Variants in NAP1L1 observed in about 807,000 individuals in gnomAD.
NAP1L1 encodes the protein nucleosome assembly protein 1-like 1.
Under a neutral mutation model 58.9 loss-of-function variants are expected in NAP1L1, and 9 were observed. The ratio of observed to expected loss-of-function variants is 0.15; its 90% confidence interval spans 0.09 to 0.27. The LOEUF (loss-of-function observed/expected upper bound fraction) is 0.27. Ranked by LOEUF, NAP1L1 falls within the 10% of genes least tolerant of loss-of-function variation. NAP1L1 has a pLI of 1.00. For synonymous variants in NAP1L1, 130 were observed against 138.3 expected, an observed-to-expected ratio of 0.94 and a Z score of 0.42; for missense variants, 302 against 458.8, an observed-to-expected ratio of 0.66 and a Z score of 3.12.
At position 76,039,775 on chromosome 12, in the gene NAP1L1, T is replaced by C. The variant is rs1250583745; in HGVS notation, c.*8654A>G. 6.6e-6 allele frequency: 1 copy of C among 152,250 alleles called. No individual in the cohort carries two copies. The highest frequency in any genetic ancestry group is 1.5e-5 in the Non-Finnish European group (1 of 68,038). 9.4% of individuals were successfully genotyped at this position (152,250 alleles called of 1,614,324 possible). A position where few individuals can be genotyped will look rare whatever the true frequency, so the allele number is the denominator to read the frequency against. ...TCCTTATGCATAAAAAGGGAATTAA[T>C]ATTCTCAATCAAGTATGATTAAGGC... On this transcript the variant is annotated 3_prime_UTR_variant, in exon 15 of 15. Coordinates refer to ENST00000618691, the MANE Select transcript of NAP1L1 (RefSeq NM_004537.7).
intron 1 of NAP1L1, among the ~76,000 whole-genome samples, chr12:76,078,740 C>G (rs756620816): frequency 6.6e-6 from 1 of 151,986 alleles, no homozygotes; most frequent in Non-Finnish European, 1.5e-5. Context: ...GAAATGAAGC[C>G]TAGAAGAAAA....
At chr12:76,076,983 T>C (rs1950206050) in intron 1 of NAP1L1, among the ~76,000 whole-genome samples, 1 of 152,222 alleles carries the variant, frequency 6.6e-6, no homozygotes, top group African/African-American at 2.4e-5. Flanking sequence ...CAGATTTATA[T>C]AATAATTTCC....
At chr12:76,062,679 A>C (rs930329204) in intron 4 of NAP1L1, among the ~76,000 whole-genome samples, 3 of 152,244 alleles carry the variant, frequency 2.0e-5, no homozygotes, top group African/African-American at 7.2e-5. Context: ...CATGATGTTG[A>C]AAAGTTCTAC....
At chr12:76,048,752 T>G (rs1431231867) in intron 14 of NAP1L1, among the ~76,000 whole-genome samples, 3 of 152,122 alleles carry the variant, frequency 2.0e-5, no homozygotes, top group Non-Finnish European at 4.4e-5. Context: ...ACCAATCAGC[T>G]TTGTTTTTGC....
At chr12:76,057,774 A>G (rs1176702425) in intron 6 of NAP1L1, 1 of 1,551,298 alleles carries the variant, frequency 6.4e-7, no homozygotes, top group Non-Finnish European at 8.7e-7. Flanking sequence ...AAGAAGCTGG[A>G]ATCTGTCAAG....
rs1948621616 is a variant in NAP1L1, at chr12:76,046,983, T to G, written c.*1446A>C. 1 of 152,410 alleles carries G rather than the reference T, an allele frequency of 6.6e-6. No individual in the cohort carries two copies. Among genetic ancestry groups the G allele is most frequent in the Non-Finnish European group, 1.5e-5 (1 of 67,930 alleles). The allele number at this position is 152,410 out of a possible 1,614,324, so 9.4% of individuals were successfully genotyped here. A position where few individuals can be genotyped will look rare whatever the true frequency, so the allele number is the denominator to read the frequency against. On this transcript the variant is annotated 3_prime_UTR_variant, in exon 15 of 15. Transcript: ENST00000618691. ...ACAAATCTTGGACCTTGTGAAATAG[T>G]GCATCCCTCCACTTCTATAAAAATA...
In NAP1L1 at chr12:76,056,137, T is replaced by C; in HGVS notation, c.454A>G (p.Ile152Val). The C allele has an allele frequency of 6.2e-6, 10 of 1,612,010 alleles. No individual in the cohort carries two copies. The highest frequency in any genetic ancestry group is 8.5e-6 in the Non-Finnish European group (10 of 1,179,194). ...ISEELKEKAK[I>V]EDEKKDEEKE... is the part of the protein sequence containing the mutation. ...TCTTCATCTTTTTTCTCATCTTCAA[T>C]CTTGGCCTTTTCTTTCAATTCCTCC... The change falls in exon 7 of 15, where the codon ATT becomes GTT. Residue 152 changes from isoleucine (I) to valine (V), a missense_variant. Coordinates refer to ENST00000618691, the MANE Select transcript of NAP1L1 (RefSeq NM_004537.7).
chr12:76,073,565 T>G (rs1337360291), intron 2 of NAP1L1, among the ~76,000 whole-genome samples: 3 of 152,242 alleles, frequency 2.0e-5, no homozygotes, highest in Non-Finnish European at 2.9e-5. Flanking sequence ...TTCCTTGTTA[T>G]CCTATCTTAT....
intron 4 of NAP1L1, among the ~76,000 whole-genome samples, chr12:76,066,917 C>T: frequency 6.6e-6 from 1 of 152,028 alleles, no homozygotes; most frequent in East Asian, 1.9e-4. Context: ...ACAGCGAACA[C>T]ATACCACAGA....
rs1422054663 is a variant in NAP1L1 at position 76,038,879 on chromosome 12, CTAA to C, written c.*9547_*9549del. 1 of 152,092 alleles carries C rather than the reference CTAA, an allele frequency of 6.6e-6. No homozygotes were observed. The highest frequency in any genetic ancestry group is 2.4e-5 in the African/African-American group (1 of 41,412). The allele number at this position is 152,092 out of a possible 1,614,324, so 9.4% of individuals were successfully genotyped here. ...GTCAGAAACCAGAAAGTTTTTGTTT[CTAA>C]TGAGATTTCATTTACACTTTTAAGT... On this transcript the variant is annotated 3_prime_UTR_variant, in exon 15 of 15. Transcript: ENST00000618691.
intron 6 of NAP1L1, chr12:76,057,295 C>A: frequency 3.2e-6 from 1 of 315,258 alleles, no homozygotes. Flanking sequence ...GTCTCTTAAA[C>A]AAAAAAACTA....
chr12:76,053,639 T>C, intron 9 of NAP1L1, 131 bp downstream of exon 9: 1 of 1,162,428 alleles, frequency 8.6e-7, no homozygotes. Context: ...ATAAGCACTT[T>C]TCAGAAAACA....
chr12:76,051,316 A>G (rs1423015300), intron 11 of NAP1L1, among the ~76,000 whole-genome samples: 2 of 142,996 alleles, frequency 1.4e-5, no homozygotes, highest in African/African-American at 2.5e-5. Flanking sequence ...TATTGAAAAC[A>G]CCAAATAGAA....
chr12:76,037,209 G>A lies in NAP1L1; in HGVS notation c.*11220C>T, dbSNP rs1871066788. ...AAAGTCCTTGAGTTGAAAACGTTAA[G>A]TATTAACACAGAACTATCCAGACTT... is the stretch of plus-strand genomic sequence containing the variant. On this transcript the variant is annotated 3_prime_UTR_variant, in exon 15 of 15. Transcript: ENST00000618691. 6.6e-6 allele frequency: 1 copy of A among 152,238 alleles called. No individual in the cohort carries two copies. The highest frequency in any genetic ancestry group is 1.5e-5 in the Non-Finnish European group (1 of 68,054). 9.4% of individuals were successfully genotyped at this position (152,238 alleles called of 1,614,324 possible).
At position 76,073,953 on chromosome 12, in the gene NAP1L1, C is replaced by T. The variant is rs563460927; in HGVS notation, c.17+250G>A. On this transcript the variant is annotated intron_variant, in intron 2 of 14. Coordinates refer to ENST00000618691, the MANE Select transcript of NAP1L1 (RefSeq NM_004537.7). Reference sequence around the variant, plus strand: ...AGTATTTATAATCCATTATCATGCTCAGCATTTTCTTAAAAATAGTGACAA... The same window carrying T: ...AGTATTTATAATCCATTATCATGCTTAGCATTTTCTTAAAAATAGTGACAA... 2.9e-5 allele frequency: 11 copies of T among 382,118 alleles called. 1 individual carries two copies. The highest frequency in any genetic ancestry group is 1.7e-4 in the Admixed American group (4 of 23,068). 23.7% of individuals were successfully genotyped at this position (382,118 alleles called of 1,614,324 possible).
At chr12:76,049,435 A>C in intron 13 of NAP1L1, 185 bp from the exon 14 acceptor site, 1 of 1,534,554 alleles carries the variant, frequency 6.5e-7, no homozygotes. Flanking sequence ...ACAACTTGAG[A>C]CATCCAGACA....
intron 4 of NAP1L1, among the ~76,000 whole-genome samples, chr12:76,063,972 G>C (rs1317606480): frequency 6.7e-6 from 1 of 150,140 alleles, no homozygotes; most frequent in Non-Finnish European, 1.5e-5. Flanking sequence ...CCAACAGTTC[G>C]AGACCAGTCT....
At chr12:76,057,903 G>GA in intron 6 of NAP1L1, 1 of 1,277,014 alleles carries the variant, frequency 7.8e-7, no homozygotes, top group Admixed American at 1.9e-5. Flanking sequence ...AAAATTCCCA[G>GA]AGCAAAGAAA....
At chr12:76,055,847 T>A (rs879703758) in intron 7 of NAP1L1, among the ~76,000 whole-genome samples, 186 bp downstream of exon 7, 10 of 152,242 alleles carry the variant, frequency 6.6e-5, no homozygotes, top group Non-Finnish European at 1.0e-4. Flanking sequence ...TCTCATTTTT[T>A]AAAATAAACT....
Sources: gnomAD v4.1 joint callset for allele counts (sites outside exome capture counted in the v4.1 genomes callset) on GRCh38, gnomAD v4.1.1 for gene constraint, MANE v1.5 for transcripts, NCBI Gene and HGNC (gene_info 2026-07-23, HGNC 2026-07-21) for gene names.